Variants in ECHDC1 observed in about 807,000 individuals in gnomAD.
ECHDC1 encodes the protein ethylmalonyl-CoA decarboxylase 1, also known as ethylmalonyl-CoA decarboxylase.
In ECHDC1, 29 loss-of-function variants were observed where a neutral mutation model predicts 29.7. The ratio of observed to expected loss-of-function variants is 0.98; its 90% CI spans 0.73 to 1.33. The LOEUF (loss-of-function observed/expected upper bound fraction) is 1.33, where lower values mean the gene tolerates loss of function less well. Among genes scored for constraint, ECHDC1 ranks in the 40% most tolerant of loss-of-function variants. The pLI, the probability that ECHDC1 is intolerant of heterozygous loss-of-function variation, is 0.00. For missense variants in ECHDC1, 328 were observed against 350.0 expected, an observed-to-expected ratio of 0.94 and a Z score of 0.50; for synonymous variants, 126 against 123.1, an observed-to-expected ratio of 1.02 and a Z score of -0.15.
intron 5 of ECHDC1, among the ~76,000 whole-genome samples, chr6:127,292,038 T>C (rs1562302157): frequency 6.6e-6 from 1 of 152,110 alleles, no homozygotes; most frequent in Non-Finnish European, 1.5e-5. Context: ...AGAAATAATG[T>C]CTAATATTCT....
At chr6:127,337,483 G>A (rs1784530929) in intron 1 of ECHDC1, among the ~76,000 whole-genome samples, 1 of 152,086 alleles carries the variant, frequency 6.6e-6, no homozygotes, top group Admixed American at 6.6e-5. Context: ...CCTATACCCT[G>A]GAAGCACCCC....
chr6:127,300,284 CAATT>C, intron 5 of ECHDC1, among the ~76,000 whole-genome samples: 1 of 152,312 alleles, frequency 6.6e-6, no homozygotes, highest in Middle Eastern at 3.4e-3. Context: ...ACAAATCTGA[CAATT>C]AAATTCCCTA....
At chr6:127,301,696 T>C (rs1197378208) in intron 5 of ECHDC1, among the ~76,000 whole-genome samples, 1 of 152,220 alleles carries the variant, frequency 6.6e-6, no homozygotes, top group South Asian at 2.1e-4. Context: ...TTAAGAACTA[T>C]AGTTGCTTTT....
At chr6:127,299,899 CAAAT>C (rs1173054859) in intron 5 of ECHDC1, among the ~76,000 whole-genome samples, 1 of 152,098 alleles carries the variant, frequency 6.6e-6, no homozygotes, top group African/African-American at 2.4e-5. Flanking sequence ...TTTAGATACA[CAAAT>C]ACTTACCATT....
intron 1 of ECHDC1, among the ~76,000 whole-genome samples, chr6:127,336,511 A>C (rs1477000872): frequency 6.6e-6 from 1 of 152,182 alleles, no homozygotes; most frequent in Non-Finnish European, 1.5e-5. Flanking sequence ...GTCTATGGAA[A>C]GGAAGTATTT....
At chr6:127,298,309 T>C (rs968098451) in intron 5 of ECHDC1, among the ~76,000 whole-genome samples, 3 of 134,340 alleles carry the variant, frequency 2.2e-5, no homozygotes. Flanking sequence ...ATTAGACATA[T>C]AAAAATGTGT....
chr6:127,322,495 A>G (rs1415774388), intron 3 of ECHDC1, among the ~76,000 whole-genome samples: 3 of 152,160 alleles, frequency 2.0e-5, no homozygotes, highest in African/African-American at 7.2e-5. Context: ...CAGGCACTGA[A>G]AAGAGCAGAT....
intron 5 of ECHDC1, among the ~76,000 whole-genome samples, chr6:127,292,311 A>G (rs978912881): frequency 2.6e-5 from 4 of 152,026 alleles, no homozygotes; most frequent in Non-Finnish European, 4.4e-5. Flanking sequence ...ATTTGGAATT[A>G]TTTGCTTCTA....
intron 3 of ECHDC1, among the ~76,000 whole-genome samples, chr6:127,324,077 T>C (rs922394368): frequency 6.6e-6 from 1 of 152,178 alleles, no homozygotes; most frequent in African/African-American, 2.4e-5. Context: ...TTTTTAATGA[T>C]GACCACTTTT....
intron 1 of ECHDC1, among the ~76,000 whole-genome samples, chr6:127,334,101 T>C (rs1359113225): frequency 6.6e-6 from 1 of 152,130 alleles, no homozygotes; most frequent in African/African-American, 2.4e-5. Context: ...AAGACATGAA[T>C]CTCACATTTC....
At position 127,332,622 on chromosome 6, in the gene ECHDC1, G is replaced by T. The variant is rs539289819; in HGVS notation, c.-2-1592C>A. Among the ~76,000 whole-genome samples the T allele has an allele frequency of 5.9e-5, 9 of 152,288 alleles. No homozygotes were observed. The South Asian group carries it at 1.9e-3, about 32-fold the overall frequency. On this transcript the variant is annotated intron_variant, in intron 1 of 5. Coordinates refer to ENST00000454859, the MANE Select transcript of ECHDC1 (RefSeq NM_001002030.2). ...GTAGGGGAGTTCTTCCGGGTCACAG[G>T]TAGATAATAGACAAAAGGTTGCATT...
At chr6:127,323,002 A>T (rs1782967833) in intron 3 of ECHDC1, among the ~76,000 whole-genome samples, 1 of 152,134 alleles carries the variant, frequency 6.6e-6, no homozygotes, top group Non-Finnish European at 1.5e-5. Context: ...GAGTGCTGAC[A>T]TGATACTGTA....
chr6:127,339,406 T>C (rs1172293160), intron 1 of ECHDC1, among the ~76,000 whole-genome samples: 1 of 151,646 alleles, frequency 6.6e-6, no homozygotes, highest in Non-Finnish European at 1.5e-5. Flanking sequence ...GTTATTACTA[T>C]ATAGGTATTA....
chr6:127,341,634 A>C (rs1784955877), intron 1 of ECHDC1: 1 of 152,210 alleles, frequency 6.6e-6, no homozygotes, highest in Non-Finnish European at 1.5e-5. Context: ...CTCACTACCA[A>C]GCCACTGAAA....
intron 5 of ECHDC1, among the ~76,000 whole-genome samples, chr6:127,301,163 T>C (rs75527034): frequency 0.025 from 3,791 of 152,326 alleles, 65 homozygotes; most frequent in East Asian, 0.1. Flanking sequence ...ATATTTTACA[T>C]GAAAAGTATG....
At chr6:127,342,312 A>T (rs1382938099) in intron 1 of ECHDC1, 21 of 1,530,736 alleles carry the variant, frequency 1.4e-5, no homozygotes, top group Non-Finnish European at 1.8e-5. Flanking sequence ...ATCTGGCCAC[A>T]AATCAACTCT....
At chr6:127,327,724 G>C (rs1056243385) in intron 2 of ECHDC1, among the ~76,000 whole-genome samples, 1 of 152,148 alleles carries the variant, frequency 6.6e-6, no homozygotes, top group South Asian at 2.1e-4. Flanking sequence ...TGAGGCATAC[G>C]ATGGAAGTTC....
chr6:127,307,757 A>C (rs1325936531), intron 5 of ECHDC1, among the ~76,000 whole-genome samples: 2 of 81,440 alleles, frequency 2.5e-5, no homozygotes, highest in Non-Finnish European at 5.5e-5. Flanking sequence ...CAGACTAACA[A>C]AGAAAAAAAA....
At chr6:127,322,086 A>G (rs553655375) in intron 3 of ECHDC1, among the ~76,000 whole-genome samples, 83 of 152,286 alleles carry the variant, frequency 5.5e-4, no homozygotes, top group African/African-American at 1.9e-3. Context: ...AGGGCAGATC[A>G]TTTGAGGTCA....
Sources: allele counts gnomAD v4.1 joint callset (sites outside exome capture counted in the v4.1 genomes callset), GRCh38; gene constraint gnomAD v4.1.1; transcripts MANE v1.5; gene names NCBI Gene and HGNC (gene_info 2026-07-23, HGNC 2026-07-21).